Variants in GALNTL6 observed in about 807,000 individuals in gnomAD.
GALNTL6 encodes the protein polypeptide N-acetylgalactosaminyltransferase-like 6.
GALNTL6 carries 46 observed loss-of-function variants against 73.7 expected under a neutral mutation model. That is an observed-to-expected ratio of 0.62 (90% CI 0.49 to 0.80). The LOEUF is 0.80. Ranked by LOEUF, GALNTL6 falls within the 30% of genes least tolerant of loss-of-function variation. GALNTL6 has a pLI of 0.00. For missense variants in GALNTL6, 604 were observed against 755.0 expected, an observed-to-expected ratio of 0.80 and a Z score of 2.34; for synonymous variants, 259 against 263.7, an observed-to-expected ratio of 0.98 and a Z score of 0.17.
intron 5 of GALNTL6, among the ~76,000 whole-genome samples, chr4:172,805,468 A>G (rs1210549283): frequency 6.6e-6 from 1 of 152,142 alleles, no homozygotes; most frequent in Non-Finnish European, 1.5e-5. Context: ...AAAAACTGCT[A>G]TTTTTGAAGT....
intron 5 of GALNTL6, among the ~76,000 whole-genome samples, chr4:172,388,818 C>G (rs563920711): frequency 1.3e-5 from 2 of 152,138 alleles, no homozygotes; most frequent in South Asian, 4.1e-4. Flanking sequence ...TGTTAGCAAC[C>G]TGCTTCGGGG....
chr4:172,313,645 G>A (rs1259941518), intron 4 of GALNTL6, among the ~76,000 whole-genome samples: 1 of 151,916 alleles, frequency 6.6e-6, no homozygotes, highest in African/African-American at 2.4e-5. Context: ...TTTTTATTAG[G>A]GTTACTCAAT....
Position 172,412,692 on chromosome 4 carries a change from T to G in GALNTL6, c.553+64003T>G, listed in dbSNP as rs187268130. ...TCAGTATTAAGCAGAAAGTCCTTCA[T>G]TGCTTGTGAAACCTGGAAATCAATT... On this transcript the variant is annotated intron_variant, in intron 5 of 12. Coordinates refer to ENST00000506823, the MANE Select transcript of GALNTL6 (RefSeq NM_001034845.3). 2.0e-3 allele frequency among the ~76,000 whole-genome samples: 299 copies of G among 152,298 alleles called. 1 individual carries two copies. The highest frequency in any genetic ancestry group is 3.1e-3 in the Non-Finnish European group (212 of 68,018).
At chr4:172,755,313 A>T in intron 5 of GALNTL6, among the ~76,000 whole-genome samples, 1 of 151,764 alleles carries the variant, frequency 6.6e-6, no homozygotes, top group Non-Finnish European at 1.5e-5. Flanking sequence ...AACTTCAATT[A>T]AACTTCTAAA....
intron 2 of GALNTL6, among the ~76,000 whole-genome samples, chr4:172,075,628 C>T (rs1439271869): frequency 6.6e-6 from 1 of 152,118 alleles, no homozygotes; most frequent in East Asian, 1.9e-4. Flanking sequence ...AGCCACCGCG[C>T]CCGGCCCCCA....
intron 2 of GALNTL6, among the ~76,000 whole-genome samples, chr4:172,083,032 G>C (rs553063102): frequency 1.1e-4 from 16 of 152,066 alleles, no homozygotes; most frequent in Non-Finnish European, 2.1e-4. Flanking sequence ...GCTCATAGTA[G>C]TTTCATTTTC....
chr4:172,613,085 T>G (rs1738590679), intron 5 of GALNTL6, among the ~76,000 whole-genome samples: 1 of 152,132 alleles, frequency 6.6e-6, no homozygotes, highest in Non-Finnish European at 1.5e-5. Context: ...CCAGGCATTG[T>G]GCTAGACACT....
At chr4:172,333,529 T>TA (rs1312078013) in intron 4 of GALNTL6, among the ~76,000 whole-genome samples, 3 of 152,250 alleles carry the variant, frequency 2.0e-5, no homozygotes, top group Non-Finnish European at 4.4e-5. Flanking sequence ...ATATTCTTGA[T>TA]ATTAGTCTCC....
chr4:172,255,072 A>AT (rs1393124056), intron 3 of GALNTL6, among the ~76,000 whole-genome samples: 1 of 151,656 alleles, frequency 6.6e-6, no homozygotes, highest in African/African-American at 2.4e-5. Flanking sequence ...TTAAGGGATA[A>AT]TTTTTTATTT....
chr4:172,974,192 C>CA (rs1485397989), intron 10 of GALNTL6, among the ~76,000 whole-genome samples: 7 of 152,096 alleles, frequency 4.6e-5, no homozygotes, highest in African/African-American at 1.7e-4. Context: ...GCCACAGTAA[C>CA]AAAAAATTTC....
At chr4:172,333,551 C>G (rs577818833) in intron 4 of GALNTL6, among the ~76,000 whole-genome samples, 1 of 152,300 alleles carries the variant, frequency 6.6e-6, no homozygotes, top group Non-Finnish European at 1.5e-5. Flanking sequence ...GTTGGATGAA[C>G]AGTCTGCAAA....
chr4:172,606,077 G>A (rs1022892794), intron 5 of GALNTL6, among the ~76,000 whole-genome samples: 4 of 152,176 alleles, frequency 2.6e-5, no homozygotes, highest in South Asian at 2.1e-4. Context: ...TGCCTTCTGC[G>A]TCTATCATAA....
intron 2 of GALNTL6, among the ~76,000 whole-genome samples, chr4:172,124,288 A>G (rs952318927): frequency 6.6e-6 from 1 of 152,188 alleles, no homozygotes; most frequent in Non-Finnish European, 1.5e-5. Flanking sequence ...AATTCACCAA[A>G]TTAATGTAAT....
intron 5 of GALNTL6, among the ~76,000 whole-genome samples, chr4:172,372,777 A>G (rs1221864814): frequency 6.6e-6 from 1 of 152,098 alleles, no homozygotes; most frequent in Non-Finnish European, 1.5e-5. Flanking sequence ...TGATTAGAGT[A>G]TAGAGGGGCC....
intron 2 of GALNTL6, among the ~76,000 whole-genome samples, chr4:171,838,177 G>A (rs2110838026): frequency 6.6e-6 from 1 of 151,920 alleles, no homozygotes; most frequent in Middle Eastern, 3.4e-3. Flanking sequence ...AGGCTGACGT[G>A]CAATGGCGCC....
At chr4:172,012,751 T>C (rs1226026660) in intron 2 of GALNTL6, among the ~76,000 whole-genome samples, 1 of 34,586 alleles carries the variant, frequency 2.9e-5, no homozygotes, top group African/African-American at 3.9e-5. Flanking sequence ...TTATTATTGT[T>C]TTTTGTTTGT....
At chr4:172,326,914 G>C (rs1480437727) in intron 4 of GALNTL6, among the ~76,000 whole-genome samples, 1 of 151,764 alleles carries the variant, frequency 6.6e-6, no homozygotes, top group South Asian at 2.1e-4. Flanking sequence ...AATGTTACCT[G>C]ACTTTATTTA....
At chr4:172,097,460 C>CCT (rs2110953598) in intron 2 of GALNTL6, among the ~76,000 whole-genome samples, 1 of 152,290 alleles carries the variant, frequency 6.6e-6, no homozygotes, top group African/African-American at 2.4e-5. Flanking sequence ...GAGAGTGGAA[C>CCT]TTCTGGGAAA....
chr4:172,041,499 C>A (rs1742085117), intron 2 of GALNTL6, among the ~76,000 whole-genome samples: 2 of 152,044 alleles, frequency 1.3e-5, no homozygotes, highest in South Asian at 2.1e-4. Context: ...CATTTGTAAT[C>A]CACTGCTAGA....
Sources: allele counts gnomAD v4.1 joint callset (sites outside exome capture counted in the v4.1 genomes callset), GRCh38; gene constraint gnomAD v4.1.1; transcripts MANE v1.5; gene names NCBI Gene and HGNC (gene_info 2026-07-23, HGNC 2026-07-21).